The following GNB1L variants were observed in gnomAD, a reference collection of about 807,000 sequenced individuals.
The protein encoded by GNB1L is guanine nucleotide-binding protein subunit beta-like protein 1.
A neutral mutation model predicts 29.1 loss-of-function variants in GNB1L; 20 were observed. The observed-to-expected ratio is 0.69, with a 90% CI of 0.48 to 1.00. GNB1L has a LOEUF of 1.00. Among genes scored for constraint, GNB1L ranks in the 50% least tolerant of loss-of-function variants. The pLI is 0.00. For missense variants in GNB1L, 421 were observed against 464.9 expected (o/e 0.91, Z 0.87); for synonymous variants, 193 against 206.5 (o/e 0.93, Z 0.56).
At chr22:19,842,034 C>T (rs1937870883) in intron 2 of GNB1L, among the ~76,000 whole-genome samples, 1 of 152,228 alleles carries the variant, frequency 6.6e-6, no homozygotes, top group African/African-American at 2.4e-5. Context: ...CCTCCCACCT[C>T]CTGCTCATCA....
Position 19,783,499 on chromosome 22 carries a change from A to G in GNB1L, c.*5210T>C, listed in dbSNP as rs1412443883. On this transcript the variant is annotated 3_prime_UTR_variant, in exon 8 of 8. Transcript: ENST00000329517. ...TATTAGTTGGAGGCTGCAGTAAGCTATGATCATGCCACTGCACTCCAGCCT... is the reference window on the plus strand; with the variant it reads ...TATTAGTTGGAGGCTGCAGTAAGCTGTGATCATGCCACTGCACTCCAGCCT... 2 of 251,112 alleles carry G rather than the reference A, an allele frequency of 8.0e-6. No homozygotes were observed. The highest frequency in any genetic ancestry group is 4.5e-5 in the African/African-American group (2 of 44,470). The allele number at this position is 251,112 out of a possible 1,614,324, so 15.6% of individuals were successfully genotyped here. A position where few individuals can be genotyped will look rare whatever the true frequency, so the allele number is the denominator to read the frequency against.
At chr22:19,837,816 T>C (rs370173475) in intron 2 of GNB1L, among the ~76,000 whole-genome samples, 1 of 152,246 alleles carries the variant, frequency 6.6e-6, no homozygotes, top group African/African-American at 2.4e-5. Flanking sequence ...CATGCTTTAA[T>C]GTGAATAAAT....
chr22:19,786,658 A>G lies in GNB1L; in HGVS notation c.*2051T>C, dbSNP rs535994405. ...AGATGTGCCTTTGGCAAGGCTGTCA[A>G]GGGCATGCAGGGAAACTGCAAAGCC... is the stretch of plus-strand genomic sequence containing the variant. On this transcript the variant is annotated 3_prime_UTR_variant, in exon 8 of 8. Coordinates refer to ENST00000329517, the MANE Select transcript of GNB1L (RefSeq NM_053004.3). 48 of 152,296 alleles carry G rather than the reference A, an allele frequency of 3.2e-4. No homozygotes were observed. The highest frequency in any genetic ancestry group is 1.1e-3 in the African/African-American group (45 of 41,554). The allele number at this position is 152,296 out of a possible 1,614,324, so 9.4% of individuals were successfully genotyped here. A position where few individuals can be genotyped will look rare whatever the true frequency, so the allele number is the denominator to read the frequency against.
At chr22:19,826,336 G>C (rs1488864944) in intron 2 of GNB1L, among the ~76,000 whole-genome samples, 1 of 152,184 alleles carries the variant, frequency 6.6e-6, no homozygotes, top group Non-Finnish European at 1.5e-5. Flanking sequence ...TTCTCAGAAG[G>C]AACCCACCTG....
At chr22:19,803,458 C>A (rs950700839) in intron 6 of GNB1L, among the ~76,000 whole-genome samples, 4 of 152,158 alleles carry the variant, frequency 2.6e-5, no homozygotes, top group African/African-American at 9.7e-5. Context: ...TGCCCCAGGG[C>A]CCCGAGTGTA....
At chr22:19,824,391 C>A (rs1276883099) in intron 2 of GNB1L, among the ~76,000 whole-genome samples, 4 of 152,228 alleles carry the variant, frequency 2.6e-5, no homozygotes, top group Admixed American at 2.6e-4. Flanking sequence ...TGGCCCCGGC[C>A]CAGCCCCGGC....
intron 7 of GNB1L, among the ~76,000 whole-genome samples, chr22:19,795,564 C>A (rs1485534549): frequency 6.6e-6 from 1 of 152,170 alleles, no homozygotes; most frequent in African/African-American, 2.4e-5. Context: ...CGTGCATTCA[C>A]TGACAACAGA....
chr22:19,843,297 C>T (rs570316473), intron 2 of GNB1L, among the ~76,000 whole-genome samples: 149 of 152,382 alleles, frequency 9.8e-4, no homozygotes, highest in Admixed American at 2.1e-3. Flanking sequence ...TGGCGACCTT[C>T]GATTCATTGA....
At chr22:19,852,430 C>G (rs1342085234) in intron 2 of GNB1L, 9 of 681,468 alleles carry the variant, frequency 1.3e-5, no homozygotes, top group Non-Finnish European at 2.0e-5. Context: ...GCTGCAGCCT[C>G]AGGAGAGCTG....
intron 7 of GNB1L, among the ~76,000 whole-genome samples, chr22:19,791,860 C>A (rs1490172982): frequency 6.6e-6 from 1 of 152,160 alleles, no homozygotes; most frequent in African/African-American, 2.4e-5. Context: ...TCTACCAGAA[C>A]AAAACTAGAA....
At chr22:19,851,206 C>CA (rs1569057957) in intron 2 of GNB1L, 1 of 1,593,590 alleles carries the variant, frequency 6.3e-7, no homozygotes, top group Non-Finnish European at 8.6e-7. Context: ...CTGGGGTCTC[C>CA]GGGGCCTCCA....
At chr22:19,831,360 ATCT>A (rs1937676958) in intron 2 of GNB1L, among the ~76,000 whole-genome samples, 1 of 139,276 alleles carries the variant, frequency 7.2e-6, no homozygotes, top group Non-Finnish European at 1.5e-5. Context: ...GTAAGACTCT[ATCT>A]AAAAAAAAAA....
At chr22:19,850,632 CAA>C in intron 2 of GNB1L, 1 of 1,222,894 alleles carries the variant, frequency 8.2e-7, no homozygotes, top group Non-Finnish European at 1.0e-6. Context: ...CCCCCAGAAT[CAA>C]AGTGGCCACT....
intron 2 of GNB1L, among the ~76,000 whole-genome samples, chr22:19,825,056 C>A (rs984753213): frequency 6.6e-6 from 1 of 152,242 alleles, no homozygotes; most frequent in African/African-American, 2.4e-5. Flanking sequence ...ACTGGCACCA[C>A]CCCTGCCCAC....
intron 6 of GNB1L, among the ~76,000 whole-genome samples, chr22:19,802,575 C>T (rs907633825): frequency 6.6e-6 from 1 of 152,228 alleles, no homozygotes; most frequent in African/African-American, 2.4e-5. Flanking sequence ...GCTGGGCACC[C>T]ACCAGCCACT....
chr22:19,809,263 G>C (rs1240646487), intron 5 of GNB1L, among the ~76,000 whole-genome samples: 1 of 151,960 alleles, frequency 6.6e-6, no homozygotes, highest in East Asian at 1.9e-4. Context: ...TGGCATGCTG[G>C]CAGGCCATCA....
At chr22:19,810,656 A>G (rs1569043688) in intron 5 of GNB1L, among the ~76,000 whole-genome samples, 1 of 152,050 alleles carries the variant, frequency 6.6e-6, no homozygotes. Context: ...TTGTTTCCAG[A>G]AGGAAAAATG....
chr22:19,851,217 C>G (rs1938086862), intron 2 of GNB1L: 3 of 1,597,368 alleles, frequency 1.9e-6, no homozygotes, highest in Admixed American at 1.8e-5. Context: ...GGGGCCTCCA[C>G]CACCTCCTGT....
At chr22:19,851,390 TG>T (rs777985393) in intron 2 of GNB1L, 50 of 1,613,894 alleles carry the variant, frequency 3.1e-5, no homozygotes, top group Non-Finnish European at 4.2e-5. Flanking sequence ...CTCCTCTGGC[TG>T]GGAAGAGGCT....
Sources: gnomAD v4.1 joint callset for allele counts (sites outside exome capture counted in the v4.1 genomes callset) on GRCh38, gnomAD v4.1.1 for gene constraint, MANE v1.5 for transcripts, NCBI Gene and HGNC (gene_info 2026-07-23, HGNC 2026-07-21) for gene names.